CCDC146: variants seen among roughly 807,000 people sequenced by gnomAD.
The protein encoded by CCDC146 is coiled-coil domain-containing protein 146.
CCDC146 carries 92 observed loss-of-function variants against 119.3 expected under a neutral mutation model. The ratio of observed to expected loss-of-function variants is 0.77; its 90% CI spans 0.65 to 0.92. The LOEUF (loss-of-function observed/expected upper bound fraction) is 0.92, where lower values mean the gene tolerates loss of function less well. Among genes scored for constraint, CCDC146 ranks in the 40% least tolerant of loss-of-function variants. The probability of loss-of-function intolerance (pLI) is 0.00; values close to 1 mark genes in which losing one functional copy is unlikely to be tolerated. For synonymous variants in CCDC146, 372 were observed against 371.8 expected (o/e 1.00, Z -0.01); for missense variants, 1,000 against 1,103.0 (o/e 0.91, Z 1.32).
intron 2 of CCDC146, among the ~76,000 whole-genome samples, chr7:77,179,021 G>A (rs532110146): frequency 6.6e-6 from 1 of 152,172 alleles, no homozygotes; most frequent in African/African-American, 2.4e-5. Flanking sequence ...AGCAGGATTG[G>A]GAATTTGTCC....
At chr7:77,274,684 A>G in intron 11 of CCDC146, 32 bp downstream of exon 11, 1 of 1,570,568 alleles carries the variant, frequency 6.4e-7, no homozygotes, top group Non-Finnish European at 8.7e-7. Flanking sequence ...TTCATTGATA[A>G]CTACAAGAGT....
At chr7:77,262,586 G>A (rs572660994) in intron 9 of CCDC146, among the ~76,000 whole-genome samples, 3 of 152,208 alleles carry the variant, frequency 2.0e-5, no homozygotes, top group Non-Finnish European at 4.4e-5. Context: ...TTCTAGAAGA[G>A]CTAGAGGGTT....
chr7:77,241,047 GGCGGGA>G (rs1353710783), intron 3 of CCDC146, among the ~76,000 whole-genome samples: 7 of 64,926 alleles, frequency 1.1e-4, no homozygotes, highest in Admixed American at 5.0e-4. Context: ...CTGTCGCCCA[GGCGGGA>G]GTGCAGTGGC....
At chr7:77,193,148 G>GA (rs1375946073) in intron 2 of CCDC146, among the ~76,000 whole-genome samples, 1 of 152,076 alleles carries the variant, frequency 6.6e-6, no homozygotes, top group Non-Finnish European at 1.5e-5. Context: ...ACTAATAACG[G>GA]AAAAAGAGGA....
chr7:77,254,828 G>GA, intron 5 of CCDC146, among the ~76,000 whole-genome samples: 1 of 152,268 alleles, frequency 6.6e-6, no homozygotes, highest in Non-Finnish European at 1.5e-5. Flanking sequence ...AGAAAAAAAA[G>GA]ATTCTGTGGT....
At chr7:77,199,591 A>G in intron 2 of CCDC146, 4 of 1,614,130 alleles carry the variant, frequency 2.5e-6, no homozygotes, top group Non-Finnish European at 3.4e-6. Context: ...TTGCTTCGGG[A>G]GCTGAATAGT....
chr7:77,142,705 G>A (rs1005154123), intron 1 of CCDC146, among the ~76,000 whole-genome samples: 5 of 149,674 alleles, frequency 3.3e-5, no homozygotes, highest in African/African-American at 1.3e-4. Flanking sequence ...GAGGATGATG[G>A]TTTCCAGCTT....
intron 2 of CCDC146, among the ~76,000 whole-genome samples, chr7:77,211,950 A>G (rs912785137): frequency 4.6e-5 from 7 of 152,308 alleles, no homozygotes; most frequent in African/African-American, 1.4e-4. Context: ...TCAAACAAAT[A>G]GCCAATGTCA....
intron 2 of CCDC146, among the ~76,000 whole-genome samples, chr7:77,233,802 G>A (rs1313819961): frequency 6.6e-6 from 1 of 152,140 alleles, no homozygotes; most frequent in East Asian, 1.9e-4. Flanking sequence ...AAAGCCCAGG[G>A]GCTGGGAACT....
chr7:77,240,972 G>GTTTTT (rs146867569), intron 3 of CCDC146, among the ~76,000 whole-genome samples: 1 of 108,640 alleles, frequency 9.2e-6, no homozygotes, highest in Admixed American at 8.7e-5. Context: ...GACATTTTTT[G>GTTTTT]TTTTTTTTTG....
At chr7:77,162,127 T>C (rs1467048860) in intron 1 of CCDC146, among the ~76,000 whole-genome samples, 1 of 152,264 alleles carries the variant, frequency 6.6e-6, no homozygotes, top group African/African-American at 2.4e-5. Flanking sequence ...ATTGTTTCTT[T>C]TGCTGTGCAG....
intron 1 of CCDC146, among the ~76,000 whole-genome samples, chr7:77,124,045 T>G (rs2539100): frequency 2.0e-5 from 3 of 152,346 alleles, no homozygotes; most frequent in East Asian, 1.9e-4. Context: ...AAGTTGAGAA[T>G]GTACTCAAAT....
At chr7:77,173,118 G>GGACA (rs1433755432) in intron 2 of CCDC146, among the ~76,000 whole-genome samples, 1 of 152,106 alleles carries the variant, frequency 6.6e-6, no homozygotes, top group East Asian at 1.9e-4. Flanking sequence ...GGAAATTAGA[G>GGACA]GACAGGTCAA....
chr7:77,131,083 A>T (rs1347551752), intron 1 of CCDC146, among the ~76,000 whole-genome samples: 1 of 151,746 alleles, frequency 6.6e-6, no homozygotes, highest in African/African-American at 2.4e-5. Flanking sequence ...GGGTTTCACC[A>T]TGTCGGCCAG....
chr7:77,269,956 C>T (rs183086198), intron 9 of CCDC146, among the ~76,000 whole-genome samples: 31 of 152,242 alleles, frequency 2.0e-4, no homozygotes, highest in Admixed American at 1.6e-3. Context: ...CAATCCAAAA[C>T]TAAAAGAGAT....
intron 2 of CCDC146, among the ~76,000 whole-genome samples, chr7:77,213,701 C>G (rs1792246747): frequency 6.6e-6 from 1 of 152,160 alleles, no homozygotes; most frequent in African/African-American, 2.4e-5. Flanking sequence ...TTAGCTCCCA[C>G]TTATAAGTTA....
chr7:77,210,617 G>T (rs1208285094), intron 2 of CCDC146, among the ~76,000 whole-genome samples: 1 of 152,110 alleles, frequency 6.6e-6, no homozygotes, highest in Non-Finnish European at 1.5e-5. Flanking sequence ...TTATAGAAAT[G>T]CCCCACTTCT....
chr7:77,295,059 C>T lies in CCDC146; in HGVS notation c.*193C>T, dbSNP rs1039089622. 32 of 577,808 alleles carry T rather than the reference C, an allele frequency of 5.5e-5. No individual in the cohort carries two copies. The African/African-American group carries it at 5.8e-4, about 10-fold the overall frequency. The allele number at this position is 577,808 out of a possible 1,614,324, so 35.8% of individuals were successfully genotyped here. ...ATACCTTTCATGACGTTGAATGGGA[C>T]ATAGAACTGTCCTACATTTATGTCA... On this transcript the variant is annotated 3_prime_UTR_variant, in exon 19 of 19. Transcript: ENST00000285871.
intron 2 of CCDC146, among the ~76,000 whole-genome samples, chr7:77,189,107 C>A (rs2150422381): frequency 6.6e-6 from 1 of 152,178 alleles, no homozygotes; most frequent in Admixed American, 6.5e-5. Flanking sequence ...GACTAATATT[C>A]AAATGCCTAT....
Sources: allele counts gnomAD v4.1 joint callset (sites outside exome capture counted in the v4.1 genomes callset), GRCh38; gene constraint gnomAD v4.1.1; transcripts MANE v1.5; gene names NCBI Gene and HGNC (gene_info 2026-07-23, HGNC 2026-07-21).